COL4A1: variants seen among roughly 807,000 people sequenced by gnomAD.
COL4A1 encodes collagen type IV alpha 1 chain, also known as collagen alpha-1(IV) chain.
A neutral mutation model predicts 216.6 loss-of-function variants in COL4A1; 40 were observed. That is an observed-to-expected ratio of 0.18 (90% confidence interval 0.14 to 0.24). The LOEUF (loss-of-function observed/expected upper bound fraction) is 0.24. Among genes scored for constraint, COL4A1 ranks in the 10% least tolerant of loss-of-function variants. The probability of loss-of-function intolerance (pLI) is 1.00; values close to 1 mark genes in which losing one functional copy is unlikely to be tolerated. For synonymous variants in COL4A1, 839 were observed against 810.7 expected, an observed-to-expected ratio of 1.03 and a Z score of -0.59; for missense variants, 1,628 against 2,196.8, an observed-to-expected ratio of 0.74 and a Z score of 5.18.
At chr13:110,186,005 A>T (rs960473949) in intron 26 of COL4A1, among the ~76,000 whole-genome samples, 11 of 152,180 alleles carry the variant, frequency 7.2e-5, no homozygotes, top group African/African-American at 2.7e-4. Context: ...AGAGGTGGAG[A>T]TCACACCACT....
rs1395669379 is a variant in COL4A1, at chr13:110,248,414, C to G, written c.85-5680G>C. On this transcript the variant is annotated intron_variant, in intron 1 of 51. Transcript: ENST00000375820. ...CGGCTCCTTCCCCCAAATTCCACTC[C>G]CAGGGATAAGCCCCACGGCCACACG... Among the ~76,000 whole-genome samples, 3 of 152,144 alleles carry G rather than the reference C, an allele frequency of 2.0e-5. 1 individual carries two copies. Among genetic ancestry groups the G allele is most frequent in the Non-Finnish European group, 1.5e-5 (1 of 68,032 alleles).
chr13:110,193,768 A>T (rs1442053815), intron 22 of COL4A1, among the ~76,000 whole-genome samples: 1 of 152,210 alleles, frequency 6.6e-6, no homozygotes, highest in Admixed American at 6.5e-5. Context: ...GAAGTGTGGG[A>T]GCAGGCACAT....
intron 2 of COL4A1, among the ~76,000 whole-genome samples, chr13:110,224,570 G>T (rs1880651005): frequency 6.6e-6 from 1 of 152,194 alleles, no homozygotes; most frequent in Non-Finnish European, 1.5e-5. Flanking sequence ...TAATCCGCCA[G>T]CCTCGGCCTC....
At chr13:110,285,254 A>G (rs1883792844) in intron 1 of COL4A1, among the ~76,000 whole-genome samples, 2 of 152,250 alleles carry the variant, frequency 1.3e-5, no homozygotes, top group South Asian at 2.1e-4. Context: ...AAAAACGTGA[A>G]TCTACAATGG....
intron 6 of COL4A1, 28 bp downstream of exon 6, chr13:110,212,389 A>C: frequency 6.2e-7 from 1 of 1,612,448 alleles, no homozygotes; most frequent in Non-Finnish European, 8.5e-7. Flanking sequence ...AACACACACA[A>C]AAAGGAGGGT....
chr13:110,186,351 C>G (rs1248790072), intron 26 of COL4A1, 34 bp downstream of exon 26: 11 of 1,611,606 alleles, frequency 6.8e-6, no homozygotes, highest in Admixed American at 1.7e-5. Context: ...CCGTTTACAA[C>G]TTCATGCTGC....
intron 1 of COL4A1, 116 bp downstream of exon 1, chr13:110,306,828 G>T: frequency 1.0e-6 from 1 of 957,460 alleles, no homozygotes; most frequent in Non-Finnish European, 1.4e-6. Context: ...GCACCTGGCC[G>T]TGCCACGCGC....
rs139465574 is a variant in COL4A1 at position 110,183,865 on chromosome 13, C to T, written c.1898-589G>A. Among the ~76,000 whole-genome samples the T allele has an allele frequency of 8.5e-5, 13 of 152,306 alleles. No homozygotes were observed. In the East Asian group the frequency reaches 2.5e-3, roughly 29 times the overall value. ...AGCCCCGGCCCTCTGGGCACTCATG[C>T]CTAGGAGAGCCACCGGAGTGTCAGG... On this transcript the variant is annotated intron_variant, in intron 26 of 51. Transcript: ENST00000375820.
At chr13:110,223,025 G>T (rs1405991731) in intron 2 of COL4A1, among the ~76,000 whole-genome samples, 1 of 152,044 alleles carries the variant, frequency 6.6e-6, no homozygotes, top group Non-Finnish European at 1.5e-5. Context: ...ACAGGTAAAT[G>T]CGGTCAGCCT....
At chr13:110,150,485 A>C in intron 51 of COL4A1, 41 bp from the exon 52 acceptor site, 496 of 1,574,602 alleles carry the variant, frequency 3.2e-4, no homozygotes, top group Non-Finnish European at 4.0e-4. Flanking sequence ...CCATCATCTC[A>C]CAGCACGTCA....
intron 49 of COL4A1, among the ~76,000 whole-genome samples, chr13:110,156,720 A>G (rs924900052): frequency 6.6e-6 from 1 of 152,274 alleles, no homozygotes; most frequent in African/African-American, 2.4e-5. Flanking sequence ...CATTCAAGTC[A>G]CAAAATGAAC....
At chr13:110,230,162 G>T (rs541288438) in intron 2 of COL4A1, among the ~76,000 whole-genome samples, 2 of 151,354 alleles carry the variant, frequency 1.3e-5, no homozygotes, top group South Asian at 4.2e-4. Context: ...AAGAAAGTGC[G>T]TGTGTGTGTG....
rs757556248 is a variant in COL4A1 at position 110,186,451 on chromosome 13, C to G, written c.1831G>C (p.Ala611Pro). The change falls in exon 26 of 52, where the codon GCT becomes CCT. Residue 611 changes from alanine to proline, a missense_variant. This residue lies in a region of COL4A1 where 701 missense variants were observed against 892.5 expected (regional missense o/e 0.79). Transcript: ENST00000375820. ...TGTCCTTTGTCACCAATGGGACCAGCAGGACCATATCCTGGAGGCCCAGGG... is the reference window on the plus strand; with the variant it reads ...TGTCCTTTGTCACCAATGGGACCAGGAGGACCATATCCTGGAGGCCCAGGG... ...GPPGPPGYGP[A>P]GPIGDKGQAG... The G allele has an allele frequency of 3.1e-6, 5 of 1,613,832 alleles. No homozygotes were observed. Among genetic ancestry groups the G allele is most frequent in the East Asian group, 4.5e-5 (2 of 44,872 alleles).
intron 1 of COL4A1, among the ~76,000 whole-genome samples, chr13:110,301,506 G>A (rs1884492392): frequency 1.3e-5 from 2 of 152,202 alleles, no homozygotes; most frequent in African/African-American, 4.8e-5. Context: ...CTCACTGTAT[G>A]TATTAGAGAC....
intron 2 of COL4A1, among the ~76,000 whole-genome samples, chr13:110,232,551 A>G (rs1881110075): frequency 6.6e-6 from 1 of 152,210 alleles, no homozygotes; most frequent in Admixed American, 6.5e-5. Context: ...GAATTAAAAT[A>G]TACACTCTCA....
intron 2 of COL4A1, 51 bp downstream of exon 2, chr13:110,242,624 T>G (rs528948637): frequency 6.3e-7 from 1 of 1,581,430 alleles, no homozygotes; most frequent in African/African-American, 1.3e-5. Context: ...AATGTAGTAC[T>G]TACTGTCCAA....
intron 2 of COL4A1, among the ~76,000 whole-genome samples, chr13:110,240,589 C>A (rs3783099): frequency 3.3e-5 from 5 of 152,166 alleles, no homozygotes; most frequent in Non-Finnish European, 7.4e-5. Flanking sequence ...AGGGGGCCAC[C>A]CCCAGCAAGG....
intron 2 of COL4A1, among the ~76,000 whole-genome samples, chr13:110,234,444 G>C (rs558875558): frequency 2.0e-5 from 3 of 152,000 alleles, no homozygotes; most frequent in African/African-American, 7.2e-5. Context: ...TAGCCAGGTG[G>C]GGGGGTACAC....
At chr13:110,223,456 C>A (rs1278920281) in intron 2 of COL4A1, among the ~76,000 whole-genome samples, 1 of 152,212 alleles carries the variant, frequency 6.6e-6, no homozygotes, top group Non-Finnish European at 1.5e-5. Context: ...AACCTATCAG[C>A]ATGAACACTC....
Sources: allele counts gnomAD v4.1 joint callset (sites outside exome capture counted in the v4.1 genomes callset), GRCh38; gene constraint gnomAD v4.1.1; regional missense constraint gnomAD v4.1.1; transcripts MANE v1.5; gene names NCBI Gene and HGNC (gene_info 2026-07-23, HGNC 2026-07-21).